Variants in CASK observed in about 807,000 individuals in gnomAD.
CASK encodes the protein calcium/calmodulin dependent serine protein kinase.
In CASK, 4 loss-of-function variants were observed where a neutral mutation model predicts 82.9. The observed-to-expected ratio is 0.05, with a 90% CI of 0.02 to 0.11. CASK has a LOEUF of 0.11. Among genes scored for constraint, CASK ranks in the 10% least tolerant of loss-of-function variants. The pLI, the probability that CASK is intolerant of heterozygous loss-of-function variation, is 1.00. For missense variants in CASK, 358 were observed against 720.9 expected (o/e 0.50, Z 5.76); for synonymous variants, 259 against 253.5 (o/e 1.02, Z -0.20).
chrX:41,830,817 C>CAA (rs780864898), intron 2 of CASK, among the ~76,000 whole-genome samples: 4,507 of 36,799 alleles, frequency 0.12, 283 homozygotes, highest in Non-Finnish European at 0.16. Context: ...GAGACTCTGC[C>CAA]AAAAAAAAAA....
At chrX:41,708,236 T>C (rs1397806676) in intron 5 of CASK, among the ~76,000 whole-genome samples, 1 of 111,943 alleles carries the variant, frequency 8.9e-6, no homozygotes, top group African/African-American at 3.2e-5. Flanking sequence ...CTATACTGTC[T>C]TCATTAGGTG....
In CASK at chrX:41,531,040, C is replaced by G. The variant is rs1365607249; in HGVS notation, c.2487G>C (p.Gln829His). ...KLETIRKIHE[Q>H]GLIAILDVEP... ...CCACGTCCAGTATTGCAATCAGCCC[C>G]TGCTCGTGGATCTTCCGGATGGTCT... The change falls in exon 25 of 27, where the codon CAG becomes CAC. Residue 829 changes from glutamine (Q) to histidine (H), a missense_variant. Around this residue, in one of 5 missense-constraint regions of CASK, gnomAD observed 118 missense variants for 169.4 expected, o/e 0.70. Coordinates refer to ENST00000378163, the MANE Select transcript of CASK (RefSeq NM_001367721.1). 2.5e-6 allele frequency: 3 copies of G among 1,212,003 alleles called. No homozygotes were observed. The highest frequency in any genetic ancestry group is 3.4e-6 in the Non-Finnish European group (3 of 895,471).
intron 3 of CASK, among the ~76,000 whole-genome samples, chrX:41,774,766 G>C (rs772729663): frequency 0.013 from 1,422 of 108,878 alleles, 25 homozygotes; most frequent in African/African-American, 0.039. Flanking sequence ...ACAAACCTGA[G>C]AAAAACAAGC....
intron 5 of CASK, among the ~76,000 whole-genome samples, chrX:41,698,805 T>C (rs1382262463): frequency 3.6e-5 from 4 of 111,974 alleles, no homozygotes; most frequent in African/African-American, 1.3e-4. Flanking sequence ...AGAGTCAGAA[T>C]ACTTCTTAAA....
At chrX:41,738,422 A>G (rs1044096863) in intron 5 of CASK, among the ~76,000 whole-genome samples, 6 of 112,680 alleles carry the variant, frequency 5.3e-5, no homozygotes, top group Admixed American at 9.4e-5. Flanking sequence ...ATATTTCTCC[A>G]GTGATTTTCA....
In CASK at chrX:41,653,571, T is replaced by G. The variant is rs147632368; in HGVS notation, c.831+6868A>C. ...TCTATCTGAGCCCAGGCCACTAGCC[T>G]TCAAGCTGACCCCCAAAGGAAAAAT... On this transcript the variant is annotated intron_variant, in intron 8 of 26. Coordinates refer to ENST00000378163, the MANE Select transcript of CASK (RefSeq NM_001367721.1). Among the ~76,000 whole-genome samples, 157 of 112,000 alleles carry G rather than the reference T, an allele frequency of 1.4e-3. 1 individual carries two copies. The highest frequency in any genetic ancestry group is 0.01 in the East Asian group (37 of 3,559).
chrX:41,919,395 A>T (rs927890480), intron 1 of CASK: 13 of 112,109 alleles, frequency 1.2e-4, no homozygotes, highest in African/African-American at 4.2e-4. Flanking sequence ...TTCACCTAAC[A>T]CAAGGTAAAA....
At chrX:41,841,221 G>GT (rs995845077) in intron 2 of CASK, among the ~76,000 whole-genome samples, 8 of 110,746 alleles carry the variant, frequency 7.2e-5, no homozygotes, top group Admixed American at 6.7e-4. Context: ...TTTTTGTTTT[G>GT]TTTTTTTACT....
chrX:41,666,782 T>C (rs2067124754), intron 6 of CASK, among the ~76,000 whole-genome samples: 1 of 111,882 alleles, frequency 8.9e-6, no homozygotes, highest in African/African-American at 3.2e-5. Context: ...TAGAAGGACC[T>C]GGCTAGAGAA....
intron 1 of CASK, among the ~76,000 whole-genome samples, chrX:41,853,708 C>A (rs771812734): frequency 6.3e-5 from 7 of 111,619 alleles, no homozygotes; most frequent in Non-Finnish European, 9.4e-5. Context: ...ATCTCTTGAA[C>A]CTGTCCTCTT....
At chrX:41,769,709 G>A (rs1489023316) in intron 3 of CASK, among the ~76,000 whole-genome samples, 1 of 111,183 alleles carries the variant, frequency 9.0e-6, no homozygotes, top group East Asian at 2.8e-4. Context: ...AGCACTCTGA[G>A]GAGGCAGGAT....
chrX:41,534,380 A>G (rs542955350), intron 24 of CASK, among the ~76,000 whole-genome samples: 10 of 91,099 alleles, frequency 1.1e-4, no homozygotes, highest in African/African-American at 4.1e-4. Context: ...GGATAAAACT[A>G]ATTTTATTTA....
At chrX:41,914,367 A>G (rs1351359663) in intron 1 of CASK, among the ~76,000 whole-genome samples, 5 of 112,735 alleles carry the variant, frequency 4.4e-5, no homozygotes, top group Non-Finnish European at 9.4e-5. Context: ...ACAACAGCCC[A>G]GTAATAAATA....
At chrX:41,770,061 G>C (rs112520910) in intron 3 of CASK, among the ~76,000 whole-genome samples, 2,306 of 110,789 alleles carry the variant, frequency 0.021, 64 homozygotes, top group African/African-American at 0.071. Flanking sequence ...TACATGAAGG[G>C]ATAAGAGATC....
chrX:41,570,062 G>C (rs1232539243), intron 15 of CASK, among the ~76,000 whole-genome samples: 1 of 95,536 alleles, frequency 1.0e-5, no homozygotes, highest in Non-Finnish European at 2.0e-5. Context: ...GAGTGCAGTG[G>C]CACAATCACA....
chrX:41,668,804 G>A (rs891941843), intron 6 of CASK, among the ~76,000 whole-genome samples: 8 of 109,589 alleles, frequency 7.3e-5, no homozygotes, highest in African/African-American at 1.3e-4. Context: ...GCAGTGGTGC[G>A]ATCTCAGCTC....
chrX:41,606,436 T>A (rs1215336807), intron 12 of CASK, among the ~76,000 whole-genome samples: 1 of 111,409 alleles, frequency 9.0e-6, no homozygotes, highest in Non-Finnish European at 1.9e-5. Context: ...GTATTTTTAG[T>A]AGAGATGGGT....
intron 2 of CASK, among the ~76,000 whole-genome samples, chrX:41,791,847 A>C (rs944856955): frequency 1.8e-5 from 2 of 111,535 alleles, no homozygotes; most frequent in Non-Finnish European, 3.8e-5. Context: ...AGGAAATTTT[A>C]AAAATATTTT....
chrX:41,608,003 A>C (rs1217072393), intron 12 of CASK, among the ~76,000 whole-genome samples: 6 of 112,436 alleles, frequency 5.3e-5, no homozygotes. Context: ...CTATATACAA[A>C]GGCCAAACTA....
Sources: allele counts gnomAD v4.1 joint callset (sites outside exome capture counted in the v4.1 genomes callset), GRCh38; gene constraint gnomAD v4.1.1; regional missense constraint gnomAD v4.1.1; transcripts MANE v1.5; gene names NCBI Gene and HGNC (gene_info 2026-07-23, HGNC 2026-07-21).